The following ANKRD22 variants were observed in gnomAD, a reference collection of about 807,000 sequenced individuals.
ANKRD22 encodes the protein ankyrin repeat domain 22, also known as ankyrin repeat domain-containing protein 22.
In ANKRD22, 24 loss-of-function variants were observed where a neutral mutation model predicts 25.7. The observed-to-expected ratio is 0.93, with a 90% confidence interval of 0.68 to 1.31. The LOEUF (loss-of-function observed/expected upper bound fraction) is 1.31. ANKRD22 is among the 50% of genes most tolerant of loss of function. The pLI, the probability that ANKRD22 is intolerant of heterozygous loss-of-function variation, is 0.00. For synonymous variants in ANKRD22, 84 were observed against 84.3 expected (o/e 1.00, Z 0.02); for missense variants, 214 against 227.1 (o/e 0.94, Z 0.37).
At position 88,823,440 on chromosome 10, in the gene ANKRD22, T is replaced by C. The variant is rs1002140352; in HGVS notation, c.400-62A>G. 43 of 1,171,878 alleles carry C rather than the reference T, an allele frequency of 3.7e-5. No individual in the cohort carries two copies. In the African/African-American group the frequency reaches 6.2e-4, roughly 17 times the overall value. The allele number at this position is 1,171,878 out of a possible 1,614,324, so 72.6% of individuals were successfully genotyped here. A position where few individuals can be genotyped will look rare whatever the true frequency, so the allele number is the denominator to read the frequency against. ...CGGGCCCTCCACAGACCATAGCATG[T>C]GGCTTCATTGGCAAATCCTTTTCAC... is the stretch of plus-strand genomic sequence containing the variant. On this transcript the variant is annotated intron_variant, in intron 4 of 5. Transcript: ENST00000371930.
chr10:88,843,810 C>T (rs1844024573), intron 1 of ANKRD22, among the ~76,000 whole-genome samples: 1 of 152,118 alleles, frequency 6.6e-6, no homozygotes, highest in Admixed American at 6.6e-5. Flanking sequence ...TTTATTCTTA[C>T]ATTCTTGTAA....
intron 4 of ANKRD22, 98 bp downstream of exon 4, chr10:88,825,940 T>A: frequency 2.0e-6 from 2 of 1,016,090 alleles, no homozygotes; most frequent in Non-Finnish European, 2.8e-6. Flanking sequence ...AAATGTAAAA[T>A]TGTCTAGGAA....
At chr10:88,828,363 CTA>C (rs1843873932) in intron 3 of ANKRD22, among the ~76,000 whole-genome samples, 194 bp downstream of exon 3, 1 of 152,190 alleles carries the variant, frequency 6.6e-6, no homozygotes, top group African/African-American at 2.4e-5. Flanking sequence ...CATTGATTAA[CTA>C]TTTTTGCTAG....
rs1386129907 is a variant in ANKRD22, at chr10:88,822,271, T to TA, written c.*669dup. On this transcript the variant is annotated 3_prime_UTR_variant, in exon 6 of 6. Transcript: ENST00000371930. ...ACCGCTGACACTTGATAGATGTTTTTATTGAAATTCCTTCACCAAAGGAAT... is the reference window on the plus strand; with the variant it reads ...ACCGCTGACACTTGATAGATGTTTTTAATTGAAATTCCTTCACCAAAGGAAT... 1 of 152,218 alleles carries TA rather than the reference T, an allele frequency of 6.6e-6. No homozygotes were observed. Among genetic ancestry groups the TA allele is most frequent in the African/African-American group, 2.4e-5 (1 of 41,466 alleles). The allele number at this position is 152,218 out of a possible 1,614,324, so 9.4% of individuals were successfully genotyped here. A position where few individuals can be genotyped will look rare whatever the true frequency, so the allele number is the denominator to read the frequency against.
rs144288531 is a variant in ANKRD22 at position 88,836,571 on chromosome 10, G to A, written c.22-4545C>T. ...ATCAAGGGGAATGACTGCAGAATGC[G>A]TACATTCTATCTCCAATCACTTTAG... On this transcript the variant is annotated intron_variant, in intron 1 of 5. Coordinates refer to ENST00000371930, the MANE Select transcript of ANKRD22 (RefSeq NM_144590.3). 6.3e-3 allele frequency among the ~76,000 whole-genome samples: 962 copies of A among 152,268 alleles called. 10 individuals carry two copies. Among genetic ancestry groups the A allele is most frequent in the African/African-American group, 0.021 (881 of 41,548 alleles).
At chr10:88,847,075 T>C (rs1844055724) in intron 1 of ANKRD22, among the ~76,000 whole-genome samples, 1 of 152,200 alleles carries the variant, frequency 6.6e-6, no homozygotes, top group African/African-American at 2.4e-5. Context: ...AGCATACCAT[T>C]AAGTGGCATG....
At chr10:88,842,406 A>T (rs1468393591) in intron 1 of ANKRD22, among the ~76,000 whole-genome samples, 1 of 152,098 alleles carries the variant, frequency 6.6e-6, no homozygotes, top group African/African-American at 2.4e-5. Context: ...TTAACCCATT[A>T]AGCCTCTCTC....
chr10:88,841,031 C>A (rs1432409921), intron 1 of ANKRD22, among the ~76,000 whole-genome samples: 1 of 152,010 alleles, frequency 6.6e-6, no homozygotes, highest in Non-Finnish European at 1.5e-5. Flanking sequence ...AGAAGCAGGG[C>A]ACATATTGAT....
intron 4 of ANKRD22, 89 bp downstream of exon 4, chr10:88,825,949 A>ATT: frequency 1.8e-6 from 2 of 1,119,874 alleles, no homozygotes; most frequent in Non-Finnish European, 1.3e-6. Flanking sequence ...ATTGTCTAGG[A>ATT]AAATAAAGCA....
At chr10:88,825,106 G>T (rs563505009) in intron 4 of ANKRD22, among the ~76,000 whole-genome samples, 172 of 150,926 alleles carry the variant, frequency 1.1e-3, no homozygotes, top group Non-Finnish European at 2.1e-3. Context: ...ATAATTGATA[G>T]AAACAGGAAT....
At chr10:88,830,089 C>T (rs560187116) in intron 2 of ANKRD22, among the ~76,000 whole-genome samples, 115 of 152,266 alleles carry the variant, frequency 7.6e-4, no homozygotes, top group African/African-American at 2.7e-3. Flanking sequence ...GCACATGGCC[C>T]GTTTCAAGTT....
At chr10:88,823,720 C>T (rs566341747) in intron 4 of ANKRD22, among the ~76,000 whole-genome samples, 14 of 150,528 alleles carry the variant, frequency 9.3e-5, no homozygotes, top group Admixed American at 4.7e-4. Flanking sequence ...CCCAGCTACT[C>T]CGGAGGCTGA....
rs1843780337 is a variant in ANKRD22, at chr10:88,820,552, G to A, written c.*2389C>T. 6.7e-7 allele frequency: 1 copy of A among 1,500,288 alleles called. No homozygotes were observed. Among genetic ancestry groups the A allele is most frequent in the Admixed American group, 2.1e-5 (1 of 46,876 alleles). 92.9% of individuals were successfully genotyped at this position (1,500,288 alleles called of 1,614,324 possible). A position where few individuals can be genotyped will look rare whatever the true frequency, so the allele number is the denominator to read the frequency against. On this transcript the variant is annotated 3_prime_UTR_variant, in exon 6 of 6. Coordinates refer to ENST00000371930, the MANE Select transcript of ANKRD22 (RefSeq NM_144590.3). ...ACAACCTCCTGAGGGATGGGGCTAG[G>A]ACCCATGAAGGCAGAATTACGGAGA...
chr10:88,827,901 A>C (rs996543431), intron 3 of ANKRD22, among the ~76,000 whole-genome samples: 3 of 152,218 alleles, frequency 2.0e-5, no homozygotes, highest in Non-Finnish European at 4.4e-5. Context: ...GATGGATAAA[A>C]GTGAGTAAGT....
At chr10:88,851,397 T>C (rs1168207563) in intron 1 of ANKRD22, among the ~76,000 whole-genome samples, 190 bp downstream of exon 1, 2 of 152,318 alleles carry the variant, frequency 1.3e-5, no homozygotes, top group Non-Finnish European at 2.9e-5. Context: ...AATTACAAAA[T>C]ACTTTGTCTT....
At position 88,851,689 on chromosome 10, in the gene ANKRD22, C is replaced by T; in HGVS notation, c.-82G>A. ...TTTCTGATGAATATCAAAATCCTTCCTGGCTGAGAGGAAAGTCCCTAGAAG... is the reference window on the plus strand; with the variant it reads ...TTTCTGATGAATATCAAAATCCTTCTTGGCTGAGAGGAAAGTCCCTAGAAG... On this transcript the variant is annotated 5_prime_UTR_variant, in exon 1 of 6. Coordinates refer to ENST00000371930, the MANE Select transcript of ANKRD22 (RefSeq NM_144590.3). The T allele has an allele frequency of 6.4e-7, 1 of 1,558,632 alleles. No individual in the cohort carries two copies. The highest frequency in any genetic ancestry group is 8.8e-7 in the Non-Finnish European group (1 of 1,132,012).
intron 4 of ANKRD22, among the ~76,000 whole-genome samples, chr10:88,825,683 A>G (rs1271843036): frequency 1.3e-5 from 2 of 152,248 alleles, no homozygotes; most frequent in African/African-American, 4.8e-5. Flanking sequence ...GCTCAAACTC[A>G]TAGAAGTAAA....
At chr10:88,834,873 G>A (rs1843938570) in intron 1 of ANKRD22, among the ~76,000 whole-genome samples, 1 of 152,088 alleles carries the variant, frequency 6.6e-6, no homozygotes, top group Admixed American at 6.5e-5. Flanking sequence ...ATTCGGCAGT[G>A]AGCCGAAATC....
Position 88,846,221 on chromosome 10 carries a change from G to C in ANKRD22, c.21+5366C>G, listed in dbSNP as rs574378351. On this transcript the variant is annotated intron_variant, in intron 1 of 5. Transcript: ENST00000371930. ...ATAATACTTACTGAACATAGTTGCA[G>C]GACAGAGGTTATGCCAGGTATGCAC... Among the ~76,000 whole-genome samples, 3 of 152,064 alleles carry C rather than the reference G, an allele frequency of 2.0e-5. No homozygotes were observed. The South Asian group carries it at 6.2e-4, about 32-fold the overall frequency.
Sources: allele counts gnomAD v4.1 joint callset (sites outside exome capture counted in the v4.1 genomes callset), GRCh38; gene constraint gnomAD v4.1.1; transcripts MANE v1.5; gene names NCBI Gene and HGNC (gene_info 2026-07-23, HGNC 2026-07-21).